Variants in DENND4A observed in about 807,000 individuals in gnomAD.
DENND4A encodes the protein DENN domain containing 4A, also known as C-myc promoter-binding protein.
In DENND4A, 70 loss-of-function variants were observed where a neutral mutation model predicts 199.3. The ratio of observed to expected loss-of-function variants is 0.35; its 90% CI spans 0.29 to 0.43. The LOEUF (loss-of-function observed/expected upper bound fraction) is 0.43, where lower values mean the gene tolerates loss of function less well. Among genes scored for constraint, DENND4A ranks in the 20% least tolerant of loss-of-function variants. The pLI is 1.00. For missense variants in DENND4A, 1,723 were observed against 2,255.8 expected, an observed-to-expected ratio of 0.76 and a Z score of 4.78; for synonymous variants, 686 against 766.9, an observed-to-expected ratio of 0.89 and a Z score of 1.74.
intron 14 of DENND4A, among the ~76,000 whole-genome samples, chr15:65,710,383 G>A (rs1163001498): frequency 2.6e-5 from 4 of 152,138 alleles, no homozygotes; most frequent in African/African-American, 9.7e-5. Flanking sequence ...GCTAAAGCAT[G>A]CTATTGGCAA....
At chr15:65,742,573 C>A (rs983542192) in intron 4 of DENND4A, among the ~76,000 whole-genome samples, 10 of 151,766 alleles carry the variant, frequency 6.6e-5, no homozygotes, top group Non-Finnish European at 1.3e-4. Flanking sequence ...ATTACAGGAA[C>A]ATGCCACCAT....
At chr15:65,762,468 A>G (rs7162974) in intron 1 of DENND4A, among the ~76,000 whole-genome samples, 29,955 of 151,728 alleles carry the variant, frequency 0.2, 3,974 homozygotes, top group East Asian at 0.73. Context: ...CTAAAAAAAA[A>G]AGAAGAAAGT....
At chr15:65,728,138 A>G (rs1409903788) in intron 11 of DENND4A, among the ~76,000 whole-genome samples, 2 of 151,872 alleles carry the variant, frequency 1.3e-5, no homozygotes, top group Non-Finnish European at 2.9e-5. Flanking sequence ...TCTCTGGAGT[A>G]GCTGGGATTA....
At chr15:65,667,069 C>G (rs1157816199) in intron 29 of DENND4A, among the ~76,000 whole-genome samples, 11 of 152,090 alleles carry the variant, frequency 7.2e-5, no homozygotes. Context: ...CGGTGGCTCA[C>G]GCCTGTAATC....
At chr15:65,736,432 T>TA (rs2076121311) in intron 7 of DENND4A, among the ~76,000 whole-genome samples, 1 of 142,268 alleles carries the variant, frequency 7.0e-6, no homozygotes, top group African/African-American at 2.6e-5. Context: ...GCTTTTGTAT[T>TA]TTTTTTTTTT....
intron 1 of DENND4A, among the ~76,000 whole-genome samples, chr15:65,765,427 CTTTTAG>C (rs1293845125): frequency 6.6e-6 from 1 of 152,094 alleles, no homozygotes; most frequent in Non-Finnish European, 1.5e-5. Flanking sequence ...TTAATTGAAA[CTTTTAG>C]TTTGAGATAA....
At chr15:65,707,012 T>C (rs915696631) in intron 14 of DENND4A, among the ~76,000 whole-genome samples, 1 of 152,156 alleles carries the variant, frequency 6.6e-6, no homozygotes, top group Non-Finnish European at 1.5e-5. Flanking sequence ...TCCACGTACA[T>C]GTGTGTCTGT....
intron 3 of DENND4A, 32 bp from the exon 4 acceptor site, chr15:65,752,660 A>C: frequency 7.6e-7 from 1 of 1,317,962 alleles, no homozygotes; most frequent in Non-Finnish European, 1.0e-6. Context: ...TAAATACACA[A>C]AGCACTTTAA....
chr15:65,696,561 G>C (rs2077152454), intron 21 of DENND4A, 64 bp from the exon 22 acceptor site: 1 of 1,301,902 alleles, frequency 7.7e-7, no homozygotes, highest in Non-Finnish European at 1.0e-6. Flanking sequence ...GAGGTATCAA[G>C]AGAAGTTTTC....
chr15:65,730,003 G>A (rs1459827083), intron 9 of DENND4A, among the ~76,000 whole-genome samples: 1 of 152,084 alleles, frequency 6.6e-6, no homozygotes, highest in African/African-American at 2.4e-5. Context: ...AATAAAGAAT[G>A]CAATTTATAA....
At chr15:65,668,656 A>G (rs1054606056) in intron 27 of DENND4A, among the ~76,000 whole-genome samples, 9 of 152,110 alleles carry the variant, frequency 5.9e-5, no homozygotes, top group Non-Finnish European at 7.4e-5. Context: ...CCCTGTCTCT[A>G]CTAAAAATAG....
intron 14 of DENND4A, among the ~76,000 whole-genome samples, chr15:65,708,774 A>T (rs2075143977): frequency 6.6e-6 from 1 of 152,234 alleles, no homozygotes; most frequent in African/African-American, 2.4e-5. Context: ...ATCTTACCAG[A>T]CTATTTGTTA....
chr15:65,706,141 T>C lies in DENND4A; in HGVS notation c.2037A>G (p.Pro679=), dbSNP rs760829327. The C allele has an allele frequency of 6.2e-6, 10 of 1,608,094 alleles. No individual in the cohort carries two copies. The highest frequency in any genetic ancestry group is 8.5e-6 in the Non-Finnish European group (10 of 1,177,328). Residue 679 remains proline (P), a synonymous_variant, in exon 15 of 33, where the codon CCA becomes CCG. Coordinates refer to ENST00000443035, the MANE Select transcript of DENND4A (RefSeq NM_001320835.1). ...FKSEHTVFVT[P]PEIPHLPNGE... Reference sequence around the variant, plus strand: ...CATTGGGTAGGTGGGGGATCTCAGGTGGTGTTACAAAAACAGTGTGTTCAC... The same window carrying C: ...CATTGGGTAGGTGGGGGATCTCAGGCGGTGTTACAAAAACAGTGTGTTCAC...
In DENND4A at chr15:65,715,488, C is replaced by A; in HGVS notation, c.1943G>T (p.Cys648Phe). Residue 648 changes from cysteine (C) to phenylalanine (F), a missense_variant, in exon 14 of 33, where the codon TGT becomes TTT. Transcript: ENST00000443035. ...TGTACTGTTACTTACTTTATCTACA[C>A]AATCATCAAAAAATGCCAGGCTTGC... ...KDASLAFFDDCVDKVDMDKSG... is the reference protein window; with the variant it reads ...KDASLAFFDDFVDKVDMDKSG... 8 of 1,609,818 alleles carry A rather than the reference C, an allele frequency of 5.0e-6. No homozygotes were observed. Among genetic ancestry groups the A allele is most frequent in the Non-Finnish European group, 6.8e-6 (8 of 1,179,060 alleles).
chr15:65,761,979 T>C (rs2076861644), intron 1 of DENND4A, among the ~76,000 whole-genome samples: 1 of 152,140 alleles, frequency 6.6e-6, no homozygotes, highest in Non-Finnish European at 1.5e-5. Flanking sequence ...ATCCATACCA[T>C]GGATTGAAAA....
intron 23 of DENND4A, among the ~76,000 whole-genome samples, chr15:65,690,141 C>A (rs770263781): frequency 7.2e-5 from 11 of 152,160 alleles, no homozygotes; most frequent in African/African-American, 1.4e-4. Context: ...GAAGGAAATA[C>A]TGAAATTCAG....
intron 5 of DENND4A, 63 bp from the exon 6 acceptor site, chr15:65,738,938 T>C: frequency 7.9e-7 from 1 of 1,258,210 alleles, no homozygotes; most frequent in Non-Finnish European, 1.1e-6. Context: ...ATTATTTCAA[T>C]GATGATAAAA....
intron 13 of DENND4A, 67 bp downstream of exon 13, chr15:65,717,711 C>G (rs928039250): frequency 2.3e-6 from 3 of 1,332,512 alleles, no homozygotes; most frequent in East Asian, 2.5e-5. Context: ...TTAATACAGA[C>G]AGCAAATGAA....
chr15:65,764,093 G>T (rs2076922324), intron 1 of DENND4A, among the ~76,000 whole-genome samples: 1 of 152,032 alleles, frequency 6.6e-6, no homozygotes, highest in Non-Finnish European at 1.5e-5. Flanking sequence ...ATGAATTATG[G>T]ATGTGCTACA....
Sources: allele counts gnomAD v4.1 joint callset (sites outside exome capture counted in the v4.1 genomes callset), GRCh38; gene constraint gnomAD v4.1.1; transcripts MANE v1.5; gene names NCBI Gene and HGNC (gene_info 2026-07-23, HGNC 2026-07-21).